Variants in LOC122539214 observed in about 807,000 individuals in gnomAD.
chr19:52,660,781 G>A, the LOC122539214 span: 1 of 214,502 alleles, frequency 4.7e-6, no homozygotes, highest in South Asian at 8.5e-5. Context: ...AGCCATCCTT[G>A]TCTCCTTTTC....
the LOC122539214 span, among the ~76,000 whole-genome samples, chr19:52,664,293 C>T: frequency 0.031 from 4,742 of 151,384 alleles, 117 homozygotes; most frequent in Non-Finnish European, 0.048. Context: ...CCCTAGAGTT[C>T]GAGACCAGCC....
chr19:52,688,487 T>G, the LOC122539214 span, among the ~76,000 whole-genome samples: 1 of 152,106 alleles, frequency 6.6e-6, no homozygotes, highest in South Asian at 2.1e-4. Flanking sequence ...CTTTCTTCAT[T>G]ACTTTGCTTC....
At chr19:52,674,006 A>T in the LOC122539214 span, among the ~76,000 whole-genome samples, 1 of 127,242 alleles carries the variant, frequency 7.9e-6, no homozygotes, top group South Asian at 2.5e-4. Flanking sequence ...ACAGAGTGAG[A>T]CTCCATCTCA....
the LOC122539214 span, among the ~76,000 whole-genome samples, chr19:52,659,312 A>C: frequency 2.6e-5 from 4 of 152,152 alleles, no homozygotes; most frequent in Admixed American, 1.3e-4. Context: ...TGGTCAAGCC[A>C]GTGAGTAATC....
At chr19:52,669,391 A>G in the LOC122539214 span, among the ~76,000 whole-genome samples, 2 of 152,224 alleles carry the variant, frequency 1.3e-5, no homozygotes, top group Non-Finnish European at 2.9e-5. Context: ...TGTAAACTGG[A>G]TAAACTAATC....
the LOC122539214 span, among the ~76,000 whole-genome samples, chr19:52,681,567 C>T: frequency 2.0e-5 from 3 of 152,124 alleles, no homozygotes; most frequent in African/African-American, 7.2e-5. Context: ...CATACTGTCC[C>T]ATGAAGAAAG....
chr19:52,685,714 T>A, the LOC122539214 span, among the ~76,000 whole-genome samples: 1 of 151,914 alleles, frequency 6.6e-6, no homozygotes, highest in Non-Finnish European at 1.5e-5. Context: ...CTGGCAAACA[T>A]GGTGAAACCT....
the LOC122539214 span, among the ~76,000 whole-genome samples, chr19:52,680,646 T>C: frequency 2.3e-5 from 3 of 130,312 alleles, no homozygotes; most frequent in East Asian, 2.2e-4. Context: ...GGAGTCTCGC[T>C]CTGTCGCCCA....
At chr19:52,677,300 G>A in the LOC122539214 span, among the ~76,000 whole-genome samples, 1 of 133,554 alleles carries the variant, frequency 7.5e-6, no homozygotes, top group Non-Finnish European at 1.6e-5. Flanking sequence ...CAGACAAATT[G>A]AGAAGTAAAA....
At chr19:52,671,620 C>T in the LOC122539214 span, among the ~76,000 whole-genome samples, 1 of 152,198 alleles carries the variant, frequency 6.6e-6, no homozygotes. Context: ...TTTGTTAGTA[C>T]TTTGTAGAGG....
At chr19:52,654,269 C>A in the LOC122539214 span, 1 of 1,558,250 alleles carries the variant, frequency 6.4e-7, no homozygotes. Flanking sequence ...TCATGAATAT[C>A]TTTCTTGATT....
the LOC122539214 span, among the ~76,000 whole-genome samples, chr19:52,664,817 G>C: frequency 6.6e-6 from 1 of 151,962 alleles, no homozygotes; most frequent in African/African-American, 2.4e-5. Context: ...AGGGGTCAGG[G>C]CCTGAGCTTC....
chr19:52,661,996 G>A, the LOC122539214 span, among the ~76,000 whole-genome samples: 17 of 152,300 alleles, frequency 1.1e-4, no homozygotes, highest in South Asian at 2.1e-4. Context: ...AGAAACCTGC[G>A]TGGCTGGAGC....
At chr19:52,652,576 T>C in the LOC122539214 span, 1 of 432,176 alleles carries the variant, frequency 2.3e-6, no homozygotes, top group Non-Finnish European at 4.7e-6. Flanking sequence ...CTTTCCAGTA[T>C]GAGTTCACTG....
At chr19:52,659,369 T>C in the LOC122539214 span, among the ~76,000 whole-genome samples, 5 of 152,138 alleles carry the variant, frequency 3.3e-5, no homozygotes, top group East Asian at 9.7e-4. Flanking sequence ...CTGGGGGAAG[T>C]TGAGTCAAGC....
the LOC122539214 span, among the ~76,000 whole-genome samples, chr19:52,685,991 C>T: frequency 3.3e-5 from 5 of 151,738 alleles, no homozygotes; most frequent in East Asian, 1.9e-4. Context: ...TTTGTCCAAA[C>T]GCACCAGAGG....
chr19:52,653,311 G>A, the LOC122539214 span: 2 of 1,310,790 alleles, frequency 1.5e-6, no homozygotes, highest in South Asian at 1.2e-5. Flanking sequence ...TTCATTACAT[G>A]TGTAAGGTTT....
At chr19:52,652,975 C>A in the LOC122539214 span, 1 of 1,301,640 alleles carries the variant, frequency 7.7e-7, no homozygotes. Context: ...CTCATTACAC[C>A]TGTAAGGTTT....
At chr19:52,664,202 TAA>T in the LOC122539214 span, among the ~76,000 whole-genome samples, 1 of 142,282 alleles carries the variant, frequency 7.0e-6, no homozygotes, top group Non-Finnish European at 1.5e-5. Flanking sequence ...TTTTTTTTTT[TAA>T]TTAAGAACAA....
Sources: allele counts gnomAD v4.1 joint callset (sites outside exome capture counted in the v4.1 genomes callset), GRCh38; gene constraint gnomAD v4.1.1; transcripts MANE v1.5.